The following TP53BP2 variants were observed in gnomAD, a reference collection of about 807,000 sequenced individuals.
TP53BP2 encodes apoptosis-stimulating of p53 protein 2.
A neutral mutation model predicts 126.2 loss-of-function variants in TP53BP2; 62 were observed. The observed-to-expected ratio is 0.49, with a 90% CI of 0.40 to 0.61. The LOEUF (loss-of-function observed/expected upper bound fraction) is 0.61. Among genes scored for constraint, TP53BP2 ranks in the 20% least tolerant of loss-of-function variants. The pLI, the probability that TP53BP2 is intolerant of heterozygous loss-of-function variation, is 0.00. For synonymous variants in TP53BP2, 485 were observed against 502.9 expected, an observed-to-expected ratio of 0.96 and a Z score of 0.48; for missense variants, 1,215 against 1,402.8, an observed-to-expected ratio of 0.87 and a Z score of 2.14.
chr1:223,802,559 T>A, intron 8 of TP53BP2, 172 bp downstream of exon 8: 1 of 924,374 alleles, frequency 1.1e-6, no homozygotes, highest in Non-Finnish European at 1.6e-6. Flanking sequence ...ACACAGGTAA[T>A]AACATTAAAA....
chr1:223,799,962 G>T lies in TP53BP2; in HGVS notation c.1422C>A (p.Ala474=). 1.2e-6 allele frequency: 2 copies of T among 1,612,884 alleles called. No individual in the cohort carries two copies. Among genetic ancestry groups the T allele is most frequent in the Non-Finnish European group, 1.7e-6 (2 of 1,179,562 alleles). ...SMFDAVDQSN[A]PPSFGTLRKN... is the part of the protein sequence containing the mutation. The stretch of plus-strand genomic sequence containing the variant: ...TCCTCAGAGTACCAAAGGAAGGTGG[G>T]GCATTGGACTGGTCTACTGCATCAA... The change falls in exon 11 of 18, where the codon GCC becomes GCA. Residue 474 remains alanine (A), a synonymous_variant. Coordinates refer to ENST00000343537, the MANE Select transcript of TP53BP2 (RefSeq NM_001031685.3).
At chr1:223,822,360 G>T (rs1033776197) in intron 1 of TP53BP2, among the ~76,000 whole-genome samples, 5 of 151,136 alleles carry the variant, frequency 3.3e-5, no homozygotes, top group African/African-American at 1.2e-4. Flanking sequence ...CCAACAGAAG[G>T]TTTACATTTA....
At chr1:223,785,359 C>T (rs910566433) in intron 16 of TP53BP2, among the ~76,000 whole-genome samples, 5 of 152,314 alleles carry the variant, frequency 3.3e-5, no homozygotes, top group South Asian at 2.1e-4. Flanking sequence ...TAGAAGAAGG[C>T]TCTGCCAATC....
intron 1 of TP53BP2, among the ~76,000 whole-genome samples, chr1:223,837,369 T>C (rs933380746): frequency 1.3e-5 from 2 of 152,180 alleles, no homozygotes; most frequent in East Asian, 3.9e-4. Context: ...TGTGTAGCTG[T>C]CAGAGCTCTG....
intron 16 of TP53BP2, among the ~76,000 whole-genome samples, chr1:223,787,178 G>A (rs770827002): frequency 2.0e-5 from 3 of 152,122 alleles, no homozygotes; most frequent in Non-Finnish European, 4.4e-5. Flanking sequence ...TTACAGGCAT[G>A]AGCCACCACA....
At chr1:223,825,548 T>G (rs534556441) in intron 1 of TP53BP2, among the ~76,000 whole-genome samples, 1 of 152,332 alleles carries the variant, frequency 6.6e-6, no homozygotes, top group African/African-American at 2.4e-5. Context: ...GCATGTAGCG[T>G]GTAGCACAGC....
chr1:223,823,362 T>G (rs898931425), intron 1 of TP53BP2, among the ~76,000 whole-genome samples: 3 of 152,182 alleles, frequency 2.0e-5, no homozygotes, highest in Admixed American at 6.5e-5. Context: ...GAGATATACA[T>G]GAGAGAAAGA....
chr1:223,819,469 G>A (rs907475222), intron 2 of TP53BP2, among the ~76,000 whole-genome samples: 1 of 152,034 alleles, frequency 6.6e-6, no homozygotes, highest in African/African-American at 2.4e-5. Flanking sequence ...GGTGGATCAC[G>A]AGGTCAGGAG....
chr1:223,797,792 G>GTA (rs1247450099), intron 12 of TP53BP2, among the ~76,000 whole-genome samples: 49 of 151,478 alleles, frequency 3.2e-4, no homozygotes, highest in African/African-American at 9.2e-4. Context: ...GTGTGTGTGT[G>GTA]TATATATATC....
At chr1:223,782,084 TTGG>T (rs1201207268) in intron 17 of TP53BP2, among the ~76,000 whole-genome samples, 1 of 152,198 alleles carries the variant, frequency 6.6e-6, no homozygotes, top group Non-Finnish European at 1.5e-5. Flanking sequence ...ACTGTACAAC[TTGG>T]TGACTATAAT....
intron 2 of TP53BP2, among the ~76,000 whole-genome samples, chr1:223,817,177 T>C (rs1663115248): frequency 7.0e-6 from 1 of 142,850 alleles, no homozygotes; most frequent in Non-Finnish European, 1.5e-5. Flanking sequence ...AAAAATAAAA[T>C]ATTTCACATC....
chr1:223,840,712 G>A (rs957616056), intron 1 of TP53BP2, among the ~76,000 whole-genome samples: 1 of 152,194 alleles, frequency 6.6e-6, no homozygotes, highest in African/African-American at 2.4e-5. Context: ...CTGAGGCGGT[G>A]GGGATAAAGA....
chr1:223,796,082 C>T lies in TP53BP2; in HGVS notation c.2457G>A (p.Val819=). Residue 819 remains valine, a synonymous_variant, in exon 13 of 18, where the codon GTG becomes GTA. Coordinates refer to ENST00000343537, the MANE Select transcript of TP53BP2 (RefSeq NM_001031685.3). This position sits in a 1 kb window ranked among gnomAD's most constrained non-coding sequence, Gnocchi z 4.2. ...LVPESLSPED[V]GNASTENSDM... ...CACTGTTCTCTGTACTGGCATTCCC[C>T]ACATCCTCTGGGGACAATGATTCAG... is the stretch of plus-strand genomic sequence containing the variant. The T allele has an allele frequency of 6.2e-7, 1 of 1,614,172 alleles. No homozygotes were observed. Among genetic ancestry groups the T allele is most frequent in the Non-Finnish European group, 8.5e-7 (1 of 1,180,032 alleles).
Position 223,845,737 on chromosome 1 carries a change from G to C in TP53BP2, c.-57C>G. On this transcript the variant is annotated 5_prime_UTR_variant, in exon 1 of 18. Coordinates refer to ENST00000343537, the MANE Select transcript of TP53BP2 (RefSeq NM_001031685.3). ...GAGCTGAGGTGCCCCGGAGGGTCGC[G>C]GATGCGGGGGAGGGGAGCGGAGAGC... is the stretch of plus-strand genomic sequence containing the variant. The C allele has an allele frequency of 1.4e-6, 2 of 1,466,554 alleles. No homozygotes were observed. Among genetic ancestry groups the C allele is most frequent in the Non-Finnish European group, 1.8e-6 (2 of 1,109,040 alleles). 90.8% of individuals were successfully genotyped at this position (1,466,554 alleles called of 1,614,324 possible).
chr1:223,802,747 T>C lies in TP53BP2; in HGVS notation c.980A>G (p.Gln327Arg). The change falls in exon 8 of 18, where the codon CAA (glutamine) becomes CGA (arginine). Residue 327 changes from glutamine to arginine, a missense_variant. Physicochemically the swap from Gln to Arg is conservative, Grantham distance 43. Coordinates refer to ENST00000343537, the MANE Select transcript of TP53BP2 (RefSeq NM_001031685.3). ...RLWKKKAALQ[Q>R]KENLPVSSDG... ...CCCACTTACTGGTAGATTTTCTTTT[T>C]GCTGTAGAGCTGCCTTCTTCTTCCA... 1 of 1,614,116 alleles carries C rather than the reference T, an allele frequency of 6.2e-7. No homozygotes were observed.
intron 14 of TP53BP2, 96 bp downstream of exon 14, chr1:223,793,207 A>T: frequency 1.1e-6 from 1 of 944,066 alleles, no homozygotes; most frequent in Non-Finnish European, 1.5e-6. Context: ...AACAAAATAC[A>T]AGGTCATATT....
chr1:223,840,166 A>G (rs1664059276), intron 1 of TP53BP2, among the ~76,000 whole-genome samples: 2 of 152,356 alleles, frequency 1.3e-5, no homozygotes, highest in South Asian at 4.1e-4. Flanking sequence ...GACGGTATGC[A>G]AAGTGTTTTA....
chr1:223,806,084 TC>T (rs150655998), intron 5 of TP53BP2, among the ~76,000 whole-genome samples: 1 of 152,016 alleles, frequency 6.6e-6, no homozygotes, highest in Non-Finnish European at 1.5e-5. Flanking sequence ...TAAAGAATGT[TC>T]CCCAAATAAA....
chr1:223,834,911 T>C (rs1270345285), intron 1 of TP53BP2: 20 of 966,900 alleles, frequency 2.1e-5, no homozygotes, highest in Non-Finnish European at 2.3e-5. Context: ...GTCTTATCTG[T>C]CCTACTGGTC....
Sources: gnomAD v4.1 joint callset for allele counts (sites outside exome capture counted in the v4.1 genomes callset) on GRCh38, gnomAD v4.1.1 for gene constraint, Gnocchi (gnomAD v3.1) non-coding constraint, MANE v1.5 for transcripts, NCBI Gene and HGNC (gene_info 2026-07-23, HGNC 2026-07-21) for gene names.